ECT2L: variants seen among roughly 807,000 people sequenced by gnomAD.
ECT2L encodes the protein epithelial cell-transforming sequence 2 oncogene-like.
A neutral mutation model predicts 122.8 loss-of-function variants in ECT2L; 126 were observed. The observed-to-expected ratio is 1.03, with a 90% CI of 0.89 to 1.19. The LOEUF (loss-of-function observed/expected upper bound fraction) is 1.19. ECT2L is among the 50% of genes most tolerant of loss of function. ECT2L has a pLI of 0.00. For missense variants in ECT2L, 1,012 were observed against 1,064.1 expected (o/e 0.95, Z 0.68); for synonymous variants, 385 against 381.8 (o/e 1.01, Z -0.10).
rs74544906 is a variant in ECT2L at position 138,810,191 on chromosome 6, G to A, written c.-243-2647G>A. 8.9e-3 allele frequency among the ~76,000 whole-genome samples: 1,355 copies of A among 152,248 alleles called. 26 individuals carry two copies. The highest frequency in any genetic ancestry group is 0.031 in the African/African-American group (1,285 of 41,526). Reference sequence around the variant, plus strand: ...AGGAATATAAAAGAATTCAGAGAGAGTCTCAAAACTCAGGGATTTGCACAG... The same window carrying A: ...AGGAATATAAAAGAATTCAGAGAGAATCTCAAAACTCAGGGATTTGCACAG... On this transcript the variant is annotated intron_variant, in intron 1 of 21. Transcript: ENST00000541398.
chr6:138,816,548 G>A (rs890025042), intron 4 of ECT2L, among the ~76,000 whole-genome samples: 2 of 151,908 alleles, frequency 1.3e-5, no homozygotes, highest in African/African-American at 4.8e-5. Context: ...GCAGTGGCGC[G>A]ATCTCAGCTC....
At chr6:138,824,581 C>CAAAAAAAAAAAAA (rs1491037699) in intron 4 of ECT2L, among the ~76,000 whole-genome samples, 1 of 116,752 alleles carries the variant, frequency 8.6e-6, no homozygotes, top group African/African-American at 3.0e-5. Flanking sequence ...AAAACAAAAA[C>CAAAAAAAAAAAAA]AAAAAAAACA....
chr6:138,862,790 T>C, intron 11 of ECT2L, 71 bp downstream of exon 11: 1 of 1,314,654 alleles, frequency 7.6e-7, no homozygotes, highest in Non-Finnish European at 1.1e-6. Context: ...AAAGACAAAA[T>C]CCAGTTAATA....
chr6:138,799,320 C>G (rs560717982), intron 1 of ECT2L, among the ~76,000 whole-genome samples: 1 of 151,912 alleles, frequency 6.6e-6, no homozygotes, highest in South Asian at 2.1e-4. Flanking sequence ...GTGGCACGAT[C>G]TCGGCTCACT....
chr6:138,840,177 A>G (rs1333563431), intron 5 of ECT2L, among the ~76,000 whole-genome samples: 1 of 152,042 alleles, frequency 6.6e-6, no homozygotes, highest in Non-Finnish European at 1.5e-5. Flanking sequence ...CTTCACCCTC[A>G]TCATCTTCAT....
At chr6:138,897,549 G>A (rs1008040272) in intron 20 of ECT2L, among the ~76,000 whole-genome samples, 5 of 152,086 alleles carry the variant, frequency 3.3e-5, no homozygotes, top group African/African-American at 7.2e-5. Context: ...TAGTTTAACC[G>A]TATTTACGGT....
chr6:138,831,428 TCTTTCTC>T (rs1776644238), intron 4 of ECT2L, among the ~76,000 whole-genome samples: 1 of 152,172 alleles, frequency 6.6e-6, no homozygotes, highest in Non-Finnish European at 1.5e-5. Flanking sequence ...CCCTCTTCCC[TCTTTCTC>T]CATAGTTCCT....
At chr6:138,872,288 C>G (rs956457226) in intron 13 of ECT2L, among the ~76,000 whole-genome samples, 8 of 152,232 alleles carry the variant, frequency 5.3e-5, no homozygotes, top group Non-Finnish European at 8.8e-5. Context: ...GTTCCATTCT[C>G]TAAATATTTG....
intron 10 of ECT2L, among the ~76,000 whole-genome samples, chr6:138,862,294 G>C (rs1777860988): frequency 6.6e-6 from 1 of 152,146 alleles, no homozygotes; most frequent in Non-Finnish European, 1.5e-5. Context: ...CATCTGGTGA[G>C]GGCCTCAGGG....
At chr6:138,826,949 T>C (rs1042156981) in intron 4 of ECT2L, among the ~76,000 whole-genome samples, 1 of 152,130 alleles carries the variant, frequency 6.6e-6, no homozygotes, top group African/African-American at 2.4e-5. Flanking sequence ...TCCACCATGA[T>C]TGGAAGTTCC....
In ECT2L at chr6:138,903,780, T is replaced by G. The variant is rs1779488510; in HGVS notation, c.*1153T>G. 6.6e-6 allele frequency: 1 copy of G among 152,210 alleles called. No individual in the cohort carries two copies. The highest frequency in any genetic ancestry group is 1.5e-5 in the Non-Finnish European group (1 of 68,038). 9.4% of individuals were successfully genotyped at this position (152,210 alleles called of 1,614,324 possible). On this transcript the variant is annotated 3_prime_UTR_variant, in exon 22 of 22. Transcript: ENST00000541398. Reference sequence around the variant, plus strand: ...GCCATACTGAAAGCCACTTGGAAACTTCAGCTGATGTATATTTTTACCTAG... The same window carrying G: ...GCCATACTGAAAGCCACTTGGAAACGTCAGCTGATGTATATTTTTACCTAG...
chr6:138,846,589 G>A lies in ECT2L; in HGVS notation c.815G>A (p.Trp272Ter), dbSNP rs1157986029. Reference sequence around the variant, plus strand: ...TACCCTTTATTATCAAAGAAAAATTGGCATGGAGTTCATAAAAATGATGAC... The same window carrying A: ...TACCCTTTATTATCAAAGAAAAATTAGCATGGAGTTCATAAAAATGATGAC... ...HSYPLLSKKN[W>*]HGVHKNDDRS... Residue 272 changes from tryptophan to a stop codon, truncating the protein, a stop_gained, in exon 8 of 22, where the codon TGG (tryptophan) becomes TAG (stop). Transcript: ENST00000541398. LOFTEE classifies it high-confidence loss of function. 1 of 1,610,314 alleles carries A rather than the reference G, an allele frequency of 6.2e-7. No individual in the cohort carries two copies. Among genetic ancestry groups the A allele is most frequent in the Non-Finnish European group, 8.5e-7 (1 of 1,178,860 alleles).
In ECT2L at chr6:138,882,795, C is replaced by T. The variant is rs189105250; in HGVS notation, c.1952C>T (p.Thr651Met). 8.9e-5 allele frequency: 143 copies of T among 1,614,140 alleles called. No homozygotes were observed. The Admixed American group carries it at 9.0e-4, about 10-fold the overall frequency. Residue 651 changes from threonine to methionine, a missense_variant, in exon 16 of 22, where the codon ACG becomes ATG. Physicochemically the swap from Thr to Met is moderately conservative, Grantham distance 81 (BLOSUM62 -1). Transcript: ENST00000541398. ...GCTCACTGTGTGGGAGAAATAGTCA[C>T]GAAGTTTGGAAGCCAGTTAAACACA... Reference protein sequence around the residue: ...GPAHCVGEIVTKFGSQLNTYT... With the variant: ...GPAHCVGEIVMKFGSQLNTYT...
chr6:138,884,586 C>T (rs1358994782), intron 16 of ECT2L, among the ~76,000 whole-genome samples: 1 of 151,586 alleles, frequency 6.6e-6, no homozygotes, highest in Non-Finnish European at 1.5e-5. Flanking sequence ...TGCAGTGAGC[C>T]GAGATTATGC....
At position 138,865,141 on chromosome 6, in the gene ECT2L, C is replaced by T. The variant is rs1407844713; in HGVS notation, c.1437C>T (p.Phe479=). ...KTVRKQLYPF[F]KELQKSISGR... ...TAAGGAAGCAGCTGTATCCTTTCTT[C>T]AAGGAACTGCAGAAGAGCATCAGTG... The change falls in exon 12 of 22, where the codon TTC becomes TTT. Residue 479 remains phenylalanine, a synonymous_variant. Transcript: ENST00000541398. The T allele has an allele frequency of 6.2e-7, 1 of 1,613,512 alleles. No homozygotes were observed. Among genetic ancestry groups the T allele is most frequent in the Non-Finnish European group, 8.5e-7 (1 of 1,179,662 alleles).
chr6:138,893,968 A>G (rs1779126460), intron 20 of ECT2L, among the ~76,000 whole-genome samples: 1 of 152,228 alleles, frequency 6.6e-6, no homozygotes, highest in South Asian at 2.1e-4. Context: ...TCAATTCTAT[A>G]AAGGATCGGA....
rs1779446667 is a variant in ECT2L, at chr6:138,902,737, T to A, written c.*110T>A. ...GAAACAGAATAACTGTCATGGATGATGAGATAAACTAAGATGACCCATAGG... is the reference window on the plus strand; with the variant it reads ...GAAACAGAATAACTGTCATGGATGAAGAGATAAACTAAGATGACCCATAGG... On this transcript the variant is annotated 3_prime_UTR_variant, in exon 22 of 22. Transcript: ENST00000541398. 1.5e-6 allele frequency: 2 copies of A among 1,302,092 alleles called. No homozygotes were observed. The highest frequency in any genetic ancestry group is 3.0e-5 in the African/African-American group (2 of 67,550). 80.7% of individuals were successfully genotyped at this position (1,302,092 alleles called of 1,614,324 possible).
chr6:138,807,265 C>T (rs1313174294), intron 1 of ECT2L, among the ~76,000 whole-genome samples: 2 of 152,134 alleles, frequency 1.3e-5, no homozygotes, highest in African/African-American at 4.8e-5. Context: ...TGAGCCACTG[C>T]ACCCAGCCTA....
chr6:138,820,876 A>C (rs748826194), intron 4 of ECT2L, among the ~76,000 whole-genome samples: 1 of 152,228 alleles, frequency 6.6e-6, no homozygotes, highest in Non-Finnish European at 1.5e-5. Flanking sequence ...CTACCAAAGG[A>C]AAGTTCACAG....
Sources: gnomAD v4.1 joint callset for allele counts (sites outside exome capture counted in the v4.1 genomes callset) on GRCh38, gnomAD v4.1.1 for gene constraint, MANE v1.5 for transcripts, NCBI Gene and HGNC (gene_info 2026-07-23, HGNC 2026-07-21) for gene names.